The following MOB3B variants were observed in gnomAD, a reference collection of about 807,000 sequenced individuals.
MOB3B encodes the protein MOB kinase activator-like 2B.
A neutral mutation model predicts 18.7 loss-of-function variants in MOB3B; 7 were observed. The ratio of observed to expected loss-of-function variants is 0.37; its 90% CI spans 0.21 to 0.70. The LOEUF is 0.70. Among genes scored for constraint, MOB3B ranks in the 30% least tolerant of loss-of-function variants. The pLI is 0.52. For missense variants in MOB3B, 253 were observed against 281.3 expected, an observed-to-expected ratio of 0.90 and a Z score of 0.72; for synonymous variants, 111 against 99.9, an observed-to-expected ratio of 1.11 and a Z score of -0.66.
chr9:27,417,988 A>T (rs948694308), intron 2 of MOB3B, among the ~76,000 whole-genome samples: 3 of 146,744 alleles, frequency 2.0e-5, no homozygotes, highest in South Asian at 2.3e-4. Context: ...GCTACTTGGG[A>T]GGCTGAGGCA....
At chr9:27,419,408 C>A (rs942912083) in intron 2 of MOB3B, among the ~76,000 whole-genome samples, 1 of 152,142 alleles carries the variant, frequency 6.6e-6, no homozygotes, top group Non-Finnish European at 1.5e-5. Context: ...TTAAACTATA[C>A]CATAAGGGCA....
intron 2 of MOB3B, among the ~76,000 whole-genome samples, chr9:27,386,192 G>T (rs1375608718): frequency 6.6e-6 from 1 of 152,218 alleles, no homozygotes; most frequent in African/African-American, 2.4e-5. Flanking sequence ...TTGGGCAGCC[G>T]ACTTCTCTTT....
intron 1 of MOB3B, among the ~76,000 whole-genome samples, chr9:27,527,365 C>CT (rs11410615): frequency 0.24 from 37,155 of 151,894 alleles, 4,693 homozygotes; most frequent in Admixed American, 0.3. Context: ...AAAGATGTTG[C>CT]TTTTTTTTCT....
chr9:27,342,641 A>G (rs1486314943), intron 3 of MOB3B, among the ~76,000 whole-genome samples: 1 of 152,010 alleles, frequency 6.6e-6, no homozygotes, highest in Admixed American at 6.6e-5. Context: ...TGGTTTTTGC[A>G]TTTTTTGGTG....
chr9:27,455,613 A>G lies in MOB3B; in HGVS notation c.-63T>C, dbSNP rs1822857642. The stretch of plus-strand genomic sequence containing the variant: ...AAAAGGCACCTGGAACTTTTCAGGG[A>G]GAGATCACAGCCCAACAGTGTTTTC... On this transcript the variant is annotated 5_prime_UTR_variant, in exon 2 of 4. Transcript: ENST00000262244. 2.5e-6 allele frequency: 4 copies of G among 1,605,750 alleles called. No individual in the cohort carries two copies. Among genetic ancestry groups the G allele is most frequent in the Admixed American group, 1.7e-5 (1 of 59,580 alleles).
At chr9:27,417,836 G>T (rs1431818596) in intron 2 of MOB3B, among the ~76,000 whole-genome samples, 1 of 152,064 alleles carries the variant, frequency 6.6e-6, no homozygotes, top group African/African-American at 2.4e-5. Context: ...GTCGGGGCCG[G>T]TGGATCACAA....
chr9:27,465,277 C>T (rs1001440511), intron 1 of MOB3B, among the ~76,000 whole-genome samples: 3 of 152,134 alleles, frequency 2.0e-5, no homozygotes, highest in East Asian at 3.9e-4. Context: ...CATGCAAGTC[C>T]GAAATCCAGC....
intron 2 of MOB3B, among the ~76,000 whole-genome samples, chr9:27,454,653 G>A (rs35148151): frequency 0.091 from 13,784 of 152,238 alleles, 702 homozygotes; most frequent in Non-Finnish European, 0.12. Flanking sequence ...GATTAGAAGA[G>A]GGAGGAGAAT....
At chr9:27,414,527 A>G (rs1822118253) in intron 2 of MOB3B, among the ~76,000 whole-genome samples, 1 of 152,214 alleles carries the variant, frequency 6.6e-6, no homozygotes, top group South Asian at 2.1e-4. Context: ...CACAGCTAAT[A>G]TGAGGATTAG....
intron 2 of MOB3B, among the ~76,000 whole-genome samples, chr9:27,453,331 A>G (rs1296534724): frequency 1.3e-5 from 2 of 152,184 alleles, no homozygotes; most frequent in Admixed American, 6.5e-5. Flanking sequence ...AATCTTTACG[A>G]TCTCTCAAAA....
chr9:27,491,569 A>T (rs943007342), intron 1 of MOB3B, among the ~76,000 whole-genome samples: 1 of 152,212 alleles, frequency 6.6e-6, no homozygotes, highest in Non-Finnish European at 1.5e-5. Context: ...TTAGAAAGAT[A>T]ATTCCTTAAA....
chr9:27,475,373 A>G (rs979009995), intron 1 of MOB3B, among the ~76,000 whole-genome samples: 24 of 152,394 alleles, frequency 1.6e-4, no homozygotes, highest in African/African-American at 5.8e-4. Flanking sequence ...CTGCGAGATA[A>G]TAAACGTTGT....
At chr9:27,418,936 A>T (rs1224895691) in intron 2 of MOB3B, among the ~76,000 whole-genome samples, 2 of 63,432 alleles carry the variant, frequency 3.2e-5, no homozygotes, top group Non-Finnish European at 7.6e-5. Flanking sequence ...TAGAACTGAT[A>T]AAAAAAAATT....
chr9:27,501,513 C>G (rs993456389), intron 1 of MOB3B, among the ~76,000 whole-genome samples: 26 of 151,384 alleles, frequency 1.7e-4, no homozygotes, highest in African/African-American at 6.3e-4. Flanking sequence ...GAAAGCCAAA[C>G]ACTGCATGTT....
At position 27,519,027 on chromosome 9, in the gene MOB3B, G is replaced by A. The variant is rs566932619; in HGVS notation, c.-199+10528C>T. 3.9e-5 allele frequency among the ~76,000 whole-genome samples: 6 copies of A among 152,206 alleles called. No individual in the cohort carries two copies. The South Asian group carries it at 1.0e-3, about 26-fold the overall frequency. ...AAGTGCTCATGATCTGACCAGCCTC[G>A]GGGAATCCCAAGGAGAATGCACCAG... On this transcript the variant is annotated intron_variant, in intron 1 of 3. Coordinates refer to ENST00000262244, the MANE Select transcript of MOB3B (RefSeq NM_024761.5).
intron 2 of MOB3B, among the ~76,000 whole-genome samples, chr9:27,402,951 C>T (rs529272697): frequency 1.4e-3 from 219 of 152,308 alleles, no homozygotes; most frequent in African/African-American, 5.0e-3. Flanking sequence ...ATGGCTCATG[C>T]TCCTTAACAC....
intron 1 of MOB3B, among the ~76,000 whole-genome samples, chr9:27,511,830 C>T (rs1184611426): frequency 6.6e-6 from 1 of 152,116 alleles, no homozygotes; most frequent in Non-Finnish European, 1.5e-5. Context: ...ATACCAGTCT[C>T]AATGCATTTT....
chr9:27,475,632 AAAC>A (rs1446358326), intron 1 of MOB3B, among the ~76,000 whole-genome samples: 2 of 152,250 alleles, frequency 1.3e-5, no homozygotes, highest in East Asian at 3.8e-4. Context: ...GCAAATTGCA[AAAC>A]AACATGTGAC....
At chr9:27,526,403 A>C (rs1160971848) in intron 1 of MOB3B, 1 of 152,244 alleles carries the variant, frequency 6.6e-6, no homozygotes, top group Non-Finnish European at 1.5e-5. Context: ...CAAGCTTGTA[A>C]AGGAGTTAGG....
Sources: gnomAD v4.1 joint callset for allele counts (sites outside exome capture counted in the v4.1 genomes callset) on GRCh38, gnomAD v4.1.1 for gene constraint, MANE v1.5 for transcripts, NCBI Gene and HGNC (gene_info 2026-07-23, HGNC 2026-07-21) for gene names.